Variants in TRIOBP observed in about 807,000 individuals in gnomAD.
The protein encoded by TRIOBP is TRIO and F-actin binding protein.
Under a neutral mutation model 238.8 loss-of-function variants are expected in TRIOBP, and 169 were observed. The observed-to-expected ratio is 0.71, with a 90% confidence interval of 0.62 to 0.80. The LOEUF (loss-of-function observed/expected upper bound fraction) is 0.80. Ranked by LOEUF, TRIOBP falls within the 30% of genes least tolerant of loss-of-function variation. TRIOBP has a pLI of 0.00. For missense variants in TRIOBP, 2,838 were observed against 3,122.6 expected (o/e 0.91, Z 2.17); for synonymous variants, 1,150 against 1,274.4 (o/e 0.90, Z 2.08).
rs767316702 is a variant in TRIOBP at position 37,725,757 on chromosome 22, C to T, written c.3201C>T (p.His1067=). The T allele has an allele frequency of 6.2e-7, 1 of 1,612,262 alleles. No individual in the cohort carries two copies. The highest frequency in any genetic ancestry group is 1.6e-4 in the Middle Eastern group (1 of 6,062). The change falls in exon 7 of 24, where the codon CAC becomes CAT. Residue 1067 remains histidine, a synonymous_variant. Coordinates refer to ENST00000644935, the MANE Select transcript of TRIOBP (RefSeq NM_001039141.3). ...TACCACCTGCTGTGTGCATTGGACACCGAGATGCCCCCCGGGCGTCCTCGC... is the reference window on the plus strand; with the variant it reads ...TACCACCTGCTGTGTGCATTGGACATCGAGATGCCCCCCGGGCGTCCTCGC... ...PYIPPAVCIG[H]RDAPRASSPP... is the part of the protein sequence containing the mutation.
Position 37,705,159 on chromosome 22 carries a change from G to A in TRIOBP, c.114+3680G>A, listed in dbSNP as rs144500977. ...CGAGGCCGAGACGGGTGGATCACCT[G>A]AGGTCAGGAGTTCAAGACCACCCTG... On this transcript the variant is annotated intron_variant, in intron 3 of 23. Coordinates refer to ENST00000644935, the MANE Select transcript of TRIOBP (RefSeq NM_001039141.3). 3.5e-3 allele frequency among the ~76,000 whole-genome samples: 539 copies of A among 152,210 alleles called. 3 individuals are homozygous for A. Among genetic ancestry groups the A allele is most frequent in the African/African-American group, 0.012 (510 of 41,522 alleles).
intron 19 of TRIOBP, among the ~76,000 whole-genome samples, chr22:37,768,559 G>A (rs1027612123): frequency 2.0e-5 from 3 of 152,138 alleles, no homozygotes; most frequent in African/African-American, 4.8e-5. Flanking sequence ...ATTGGCTCAT[G>A]CCTGTAATCC....
At chr22:37,717,173 G>C (rs1337736997) in intron 6 of TRIOBP, among the ~76,000 whole-genome samples, 2 of 152,052 alleles carry the variant, frequency 1.3e-5, no homozygotes, top group Non-Finnish European at 2.9e-5. Flanking sequence ...TGAGTGTTAC[G>C]GCTCTTAAGG....
At chr22:37,766,102 T>C (rs1926482294) in intron 18 of TRIOBP, among the ~76,000 whole-genome samples, 1 of 152,160 alleles carries the variant, frequency 6.6e-6, no homozygotes. Context: ...AGAGTCTGCC[T>C]AAAGGCACAT....
rs1198295811 is a variant in TRIOBP at position 37,733,500 on chromosome 22, G to C, written c.4062+88G>C. 3.9e-6 allele frequency: 4 copies of C among 1,020,910 alleles called. No individual in the cohort carries two copies. The Admixed American group carries it at 6.0e-5, about 15-fold the overall frequency. The allele number at this position is 1,020,910 out of a possible 1,614,324, so 63.2% of individuals were successfully genotyped here. On this transcript the variant is annotated intron_variant, in intron 8 of 23. Coordinates refer to ENST00000644935, the MANE Select transcript of TRIOBP (RefSeq NM_001039141.3). ...CGCTAGAAGCCAGGCAGGGGGCTTG[G>C]ACAGGAAGGTCCTCTATGAAAGGGT...
intron 17 of TRIOBP, among the ~76,000 whole-genome samples, chr22:37,762,562 C>T (rs1926297807): frequency 6.6e-6 from 1 of 152,156 alleles, no homozygotes; most frequent in South Asian, 2.1e-4. Flanking sequence ...CCCAGGTGCC[C>T]CATTGGGTGC....
chr22:37,720,098 C>G (rs917496275), intron 6 of TRIOBP, among the ~76,000 whole-genome samples: 1 of 146,984 alleles, frequency 6.8e-6, no homozygotes, highest in African/African-American at 2.5e-5. Flanking sequence ...CAACCTCCAC[C>G]TCCCAGGTTG....
intron 4 of TRIOBP, among the ~76,000 whole-genome samples, chr22:37,711,419 C>T (rs1923228655): frequency 6.6e-6 from 1 of 151,576 alleles, no homozygotes; most frequent in Non-Finnish European, 1.5e-5. Flanking sequence ...TCTCTACTAA[C>T]TATACAAAAA....
chr22:37,708,511 A>G (rs908597504), intron 3 of TRIOBP, among the ~76,000 whole-genome samples: 20 of 152,342 alleles, frequency 1.3e-4, no homozygotes, highest in Admixed American at 6.5e-4. Flanking sequence ...AGACTGCACC[A>G]TTGCACTCTA....
At chr22:37,758,690 AAAAAG>A in intron 16 of TRIOBP, among the ~76,000 whole-genome samples, 1 of 132,814 alleles carries the variant, frequency 7.5e-6, no homozygotes, top group East Asian at 2.0e-4. Context: ...ATTAAAAAAA[AAAAAG>A]AAGAAGAAGA....
chr22:37,718,282 G>A (rs2145827200), intron 6 of TRIOBP, among the ~76,000 whole-genome samples: 1 of 152,352 alleles, frequency 6.6e-6, no homozygotes, highest in African/African-American at 2.4e-5. Context: ...CCAGGAAGGG[G>A]CTCCCACAGT....
At position 37,723,208 on chromosome 22, in the gene TRIOBP, G is replaced by A. The variant is rs748923316; in HGVS notation, c.652G>A (p.Ala218Thr). Residue 218 changes from alanine (A) to threonine (T), a missense_variant, in exon 7 of 24, where the codon GCA (alanine) becomes ACA (threonine). By Grantham distance (58) the Ala-to-Thr change is moderately conservative. This residue lies in a region of TRIOBP where 535 missense variants were observed against 537.3 expected (regional missense o/e 1.00). Transcript: ENST00000644935. Reference sequence around the variant, plus strand: ...AGACACCGGCGGTGGGGGCCGGAGCGCAGGACAGCACTGGGCAAGGCTCCG... The same window carrying A: ...AGACACCGGCGGTGGGGGCCGGAGCACAGGACAGCACTGGGCAAGGCTCCG... Reference protein sequence around the residue: ...KEDTGGGGRSAGQHWARLRGE... With the variant: ...KEDTGGGGRSTGQHWARLRGE... The A allele has an allele frequency of 2.2e-5, 36 of 1,613,584 alleles. No individual in the cohort carries two copies. The African/African-American group carries it at 2.4e-4, about 11-fold the overall frequency.
intron 15 of TRIOBP, 111 bp downstream of exon 15, chr22:37,755,770 T>G (rs1163379249): frequency 1.2e-6 from 1 of 857,516 alleles, no homozygotes; most frequent in Non-Finnish European, 2.0e-6. Flanking sequence ...CTCGTTTCTC[T>G]GTCAACAACA....
chr22:37,741,537 C>T (rs1924934410), intron 11 of TRIOBP, among the ~76,000 whole-genome samples: 1 of 152,232 alleles, frequency 6.6e-6, no homozygotes. Context: ...CTCCCTCCCA[C>T]CCGCTTCACA....
rs549981391 is a variant in TRIOBP, at chr22:37,728,618, G to A, written c.3947+2115G>A. ...ACAGCAAAATTGAGCAGAAAGTGCA[G>A]TGTTCCATGCACAGCCTCTCCCACT... On this transcript the variant is annotated intron_variant, in intron 7 of 23. Coordinates refer to ENST00000644935, the MANE Select transcript of TRIOBP (RefSeq NM_001039141.3). Among the ~76,000 whole-genome samples, 10 of 152,314 alleles carry A rather than the reference G, an allele frequency of 6.6e-5. No homozygotes were observed. The East Asian group carries it at 1.9e-3, about 29-fold the overall frequency.
chr22:37,735,548 C>G, intron 9 of TRIOBP, 106 bp downstream of exon 9: 1 of 1,349,378 alleles, frequency 7.4e-7, no homozygotes. Context: ...CCTGCATCCC[C>G]CTCCAGGCTC....
intron 3 of TRIOBP, among the ~76,000 whole-genome samples, chr22:37,702,083 A>G (rs1922680736): frequency 6.6e-6 from 1 of 152,244 alleles, no homozygotes; most frequent in South Asian, 2.1e-4. Flanking sequence ...AGCCTGGGCA[A>G]CAGAATGAAA....
At chr22:37,739,882 G>A (rs1241546064) in intron 10 of TRIOBP, among the ~76,000 whole-genome samples, 1 of 152,214 alleles carries the variant, frequency 6.6e-6, no homozygotes, top group African/African-American at 2.4e-5. Flanking sequence ...CCATGAAACG[G>A]GCCCGGCCCA....
chr22:37,771,591 T>C, intron 21 of TRIOBP, 59 bp from the exon 22 acceptor site: 1 of 1,509,770 alleles, frequency 6.6e-7, no homozygotes, highest in South Asian at 1.1e-5. Context: ...TGCAGGGCAC[T>C]ATGGGCCAGG....
Sources: allele counts gnomAD v4.1 joint callset (sites outside exome capture counted in the v4.1 genomes callset), GRCh38; gene constraint gnomAD v4.1.1; regional missense constraint gnomAD v4.1.1; transcripts MANE v1.5; gene names NCBI Gene and HGNC (gene_info 2026-07-23, HGNC 2026-07-21).